The following FABP12 variants were observed in gnomAD, a reference collection of about 807,000 sequenced individuals.
FABP12 encodes fatty acid binding protein 12.
A neutral mutation model predicts 13.7 loss-of-function variants in FABP12; 19 were observed. That is an observed-to-expected ratio of 1.39 (90% confidence interval 0.97 to 2.04). FABP12 has a LOEUF of 2.04. FABP12 is among the 30% of genes most tolerant of loss of function. FABP12 has a pLI of 0.00. For synonymous variants in FABP12, 61 were observed against 57.0 expected (o/e 1.07, Z -0.32); for missense variants, 182 against 164.2 (o/e 1.11, Z -0.59).
chr8:81,539,277 C>T (rs1411864924), intron 2 of FABP12, among the ~76,000 whole-genome samples: 1 of 151,216 alleles, frequency 6.6e-6, no homozygotes, highest in African/African-American at 2.4e-5. Context: ...ATCATATTCA[C>T]CAAGGATAAA....
intron 2 of FABP12, among the ~76,000 whole-genome samples, chr8:81,530,655 T>C (rs1809046088): frequency 6.6e-6 from 1 of 152,252 alleles, no homozygotes; most frequent in Non-Finnish European, 1.5e-5. Flanking sequence ...CTGGAACCTG[T>C]GAATGTTACC....
At chr8:81,562,579 A>G (rs577050852) in intron 1 of FABP12, among the ~76,000 whole-genome samples, 16 of 152,230 alleles carry the variant, frequency 1.1e-4, no homozygotes, top group Non-Finnish European at 2.1e-4. Flanking sequence ...GGCATTTACC[A>G]CAGCTTGACT....
chr8:81,546,925 G>C (rs1809444753), intron 1 of FABP12, among the ~76,000 whole-genome samples: 1 of 152,094 alleles, frequency 6.6e-6, no homozygotes, highest in Admixed American at 6.5e-5. Flanking sequence ...TAGACCCTTG[G>C]CATATAGCAT....
intron 1 of FABP12, among the ~76,000 whole-genome samples, chr8:81,588,425 A>G (rs1440509268): frequency 2.0e-5 from 3 of 152,074 alleles, no homozygotes; most frequent in Non-Finnish European, 4.4e-5. Flanking sequence ...TACAAATGGG[A>G]TTGCTTACTT....
intron 1 of FABP12, among the ~76,000 whole-genome samples, chr8:81,573,825 A>G (rs547118924): frequency 2.6e-5 from 4 of 152,142 alleles, no homozygotes; most frequent in Non-Finnish European, 5.9e-5. Context: ...ACTTTGCTGA[A>G]TTCTTTTATC....
At chr8:81,558,805 G>A (rs1443670137) in intron 1 of FABP12, among the ~76,000 whole-genome samples, 8 of 149,448 alleles carry the variant, frequency 5.4e-5, no homozygotes, top group Admixed American at 4.7e-4. Context: ...CAGGAGAATC[G>A]CTTGAACCCG....
At chr8:81,557,009 G>A (rs1191179059) in intron 1 of FABP12, among the ~76,000 whole-genome samples, 1 of 151,026 alleles carries the variant, frequency 6.6e-6, no homozygotes, top group Non-Finnish European at 1.5e-5. Context: ...TGGGTAGCTG[G>A]GATTACAGGC....
rs142449282 is a variant in FABP12 at position 81,571,242 on chromosome 8, C to T, written c.-185+18811G>A. On this transcript the variant is annotated intron_variant, in intron 1 of 5. Coordinates refer to the FABP12 transcript ENST00000692030. ...GCCAGGCAGCCAGAGCAGGCACCTC[C>T]GAGCCTGCAAGGGCAAGTGGGGGAC... is the stretch of plus-strand genomic sequence containing the variant. Among the ~76,000 whole-genome samples the T allele has an allele frequency of 1.4e-3, 215 of 152,340 alleles. 2 individuals are homozygous for T. Among genetic ancestry groups the T allele is most frequent in the African/African-American group, 5.0e-3 (208 of 41,584 alleles).
intron 1 of FABP12, among the ~76,000 whole-genome samples, chr8:81,555,540 C>T (rs1179199702): frequency 2.0e-5 from 3 of 152,052 alleles, no homozygotes; most frequent in Non-Finnish European, 4.4e-5. Context: ...ATGAAATTTC[C>T]ATGGGAACAG....
chr8:81,538,356 GAT>G (rs1192040762), upstream of FABP12, among the ~76,000 whole-genome samples: 1 of 152,172 alleles, frequency 6.6e-6, no homozygotes, highest in East Asian at 1.9e-4. Context: ...CACCACAAAA[GAT>G]ACGTTCAAGC....
chr8:81,559,309 C>T (rs1809676435), intron 1 of FABP12, among the ~76,000 whole-genome samples: 1 of 152,186 alleles, frequency 6.6e-6, no homozygotes, highest in Non-Finnish European at 1.5e-5. Flanking sequence ...TTATGCCCCC[C>T]CGAGTTGTTA....
chr8:81,554,066 G>A (rs1024498407), intron 1 of FABP12, among the ~76,000 whole-genome samples: 2 of 152,058 alleles, frequency 1.3e-5, no homozygotes, highest in African/African-American at 4.8e-5. Context: ...ACCACACAGT[G>A]TATCAAAATT....
chr8:81,541,091 G>A (rs571933333), intron 1 of FABP12, among the ~76,000 whole-genome samples: 39 of 151,480 alleles, frequency 2.6e-4, no homozygotes, highest in South Asian at 6.3e-4. Context: ...GCTTGAACCC[G>A]GGAGGTGGAG....
chr8:81,537,810 G>A (rs116361592), upstream of FABP12, among the ~76,000 whole-genome samples: 2,205 of 152,278 alleles, frequency 0.014, 45 homozygotes, highest in African/African-American at 0.05. Flanking sequence ...GATGAGGCAC[G>A]TGGTCTTCCA....
intron 1 of FABP12, among the ~76,000 whole-genome samples, chr8:81,544,752 T>A (rs1168431506): frequency 6.6e-6 from 1 of 152,110 alleles, no homozygotes; most frequent in Non-Finnish European, 1.5e-5. Context: ...TAAGACCCAA[T>A]CCCAGACCTC....
intron 3 of FABP12, among the ~76,000 whole-genome samples, chr8:81,528,282 T>C (rs546476532): frequency 6.6e-6 from 1 of 152,148 alleles, no homozygotes; most frequent in African/African-American, 2.4e-5. Context: ...TCCTGCTATG[T>C]TGTTCAGGCT....
At chr8:81,555,189 T>G in intron 1 of FABP12, among the ~76,000 whole-genome samples, 1 of 152,204 alleles carries the variant, frequency 6.6e-6, no homozygotes, top group East Asian at 1.9e-4. Context: ...TTCGTTTAAT[T>G]AGCCAGATAA....
chr8:81,568,811 CATGG>C (rs1809873947), intron 1 of FABP12, among the ~76,000 whole-genome samples: 1 of 152,104 alleles, frequency 6.6e-6, no homozygotes, highest in African/African-American at 2.4e-5. Context: ...TTTGTAGCAA[CATGG>C]ATGGAAGTAG....
chr8:81,585,054 G>A (rs921993544), intron 1 of FABP12, among the ~76,000 whole-genome samples: 6 of 152,078 alleles, frequency 3.9e-5, no homozygotes, highest in African/African-American at 1.4e-4. Context: ...TTTGTTGATT[G>A]TTTCTTTTGT....
Sources: gnomAD v4.1 joint callset for allele counts (sites outside exome capture counted in the v4.1 genomes callset) on GRCh38, gnomAD v4.1.1 for gene constraint, MANE v1.5 for transcripts, NCBI Gene and HGNC (gene_info 2026-07-23, HGNC 2026-07-21) for gene names.